Variants in SRBD1 observed in about 807,000 individuals in gnomAD.
The protein encoded by SRBD1 is S1 RNA-binding domain-containing protein 1.
In SRBD1, 88 loss-of-function variants were observed where a neutral mutation model predicts 115.3. The ratio of observed to expected loss-of-function variants is 0.76; its 90% CI spans 0.64 to 0.91. The LOEUF (loss-of-function observed/expected upper bound fraction) is 0.91, where lower values mean the gene tolerates loss of function less well. SRBD1 is among the 40% of genes least tolerant of loss of function. The probability of loss-of-function intolerance (pLI) is 0.00; values close to 1 mark genes in which losing one functional copy is unlikely to be tolerated. For missense variants in SRBD1, 1,385 were observed against 1,177.4 expected (o/e 1.18, Z -2.58); for synonymous variants, 509 against 407.7 (o/e 1.25, Z -2.99).
At chr2:45,501,861 G>A (rs974638891) in intron 14 of SRBD1, among the ~76,000 whole-genome samples, 1 of 152,180 alleles carries the variant, frequency 6.6e-6, no homozygotes, top group African/African-American at 2.4e-5. Flanking sequence ...CCACCTCTGG[G>A]GGCAGGGCAC....
chr2:45,464,354 C>T (rs1669415444), intron 16 of SRBD1, among the ~76,000 whole-genome samples: 1 of 152,170 alleles, frequency 6.6e-6, no homozygotes, highest in Non-Finnish European at 1.5e-5. Context: ...TAGCTCTCTC[C>T]TATCCTATTA....
intron 2 of SRBD1, among the ~76,000 whole-genome samples, chr2:45,602,657 A>C (rs945539848): frequency 8.5e-5 from 13 of 152,204 alleles, no homozygotes; most frequent in African/African-American, 3.1e-4. Flanking sequence ...AGGTGCGACT[A>C]TAGTACTTTT....
At chr2:45,415,337 T>C (rs868199010) in intron 18 of SRBD1, among the ~76,000 whole-genome samples, 2 of 50,280 alleles carry the variant, frequency 4.0e-5, no homozygotes, top group African/African-American at 2.1e-4. Flanking sequence ...ATAGTATGTA[T>C]ATACACACAT....
chr2:45,608,577 T>C (rs1159320591), intron 1 of SRBD1, among the ~76,000 whole-genome samples: 1 of 152,194 alleles, frequency 6.6e-6, no homozygotes. Context: ...CGGTTTTACA[T>C]ACCGATGTCA....
rs183302912 is a variant in SRBD1, at chr2:45,459,722, G to A, written c.2049+17271C>T. On this transcript the variant is annotated intron_variant, in intron 16 of 20. Coordinates refer to ENST00000263736, the MANE Select transcript of SRBD1 (RefSeq NM_018079.5). ...TTAACACTCCTTCAGAAAACATATC[G>A]GTATCCTTATCTTATTTTCCAAGAA... Among the ~76,000 whole-genome samples the A allele has an allele frequency of 3.4e-4, 51 of 151,994 alleles. 1 individual carries two copies. The East Asian group carries it at 6.2e-3, about 18-fold the overall frequency.
At chr2:45,580,483 C>CT (rs1041305171) in intron 6 of SRBD1, among the ~76,000 whole-genome samples, 1 of 147,838 alleles carries the variant, frequency 6.8e-6, no homozygotes, top group Non-Finnish European at 1.5e-5. Context: ...GTAGCTGGGA[C>CT]TACAGGAGCG....
intron 16 of SRBD1, among the ~76,000 whole-genome samples, chr2:45,453,596 A>AAAC (rs1669062488): frequency 6.6e-6 from 1 of 151,906 alleles, no homozygotes; most frequent in African/African-American, 2.4e-5. Context: ...AGTTCCTATA[A>AAAC]ATTTGGTAAA....
intron 14 of SRBD1, among the ~76,000 whole-genome samples, chr2:45,540,475 T>C (rs1027331205): frequency 3.9e-5 from 6 of 152,050 alleles, no homozygotes; most frequent in African/African-American, 1.4e-4. Context: ...TTGCCAAAAT[T>C]TCCAGAATAG....
At chr2:45,602,335 C>A (rs1225975547) in intron 2 of SRBD1, among the ~76,000 whole-genome samples, 1 of 152,132 alleles carries the variant, frequency 6.6e-6, no homozygotes, top group African/African-American at 2.4e-5. Flanking sequence ...ACCTAACTGA[C>A]AAACACATAC....
At chr2:45,519,466 T>G (rs1238947360) in intron 14 of SRBD1, among the ~76,000 whole-genome samples, 1 of 152,216 alleles carries the variant, frequency 6.6e-6, no homozygotes, top group African/African-American at 2.4e-5. Flanking sequence ...GCTGGCCACT[T>G]AAGTAGTTTA....
chr2:45,589,485 G>C (rs1012928674), intron 4 of SRBD1, among the ~76,000 whole-genome samples: 1 of 152,176 alleles, frequency 6.6e-6, no homozygotes, highest in African/African-American at 2.4e-5. Flanking sequence ...AGGTGGAAAC[G>C]ACAGGAATGC....
intron 14 of SRBD1, among the ~76,000 whole-genome samples, chr2:45,500,326 C>T (rs1191589712): frequency 2.0e-5 from 3 of 150,074 alleles, no homozygotes; most frequent in African/African-American, 7.4e-5. Context: ...TAAATTTATT[C>T]TGTGTGTATG....
intron 2 of SRBD1, among the ~76,000 whole-genome samples, chr2:45,602,333 G>C (rs1674121306): frequency 6.6e-6 from 1 of 152,066 alleles, no homozygotes; most frequent in African/African-American, 2.4e-5. Context: ...TCACCTAACT[G>C]ACAAACACAT....
intron 1 of SRBD1, among the ~76,000 whole-genome samples, chr2:45,608,801 G>C (rs1172441992): frequency 1.3e-5 from 2 of 151,268 alleles, no homozygotes; most frequent in Non-Finnish European, 2.9e-5. Flanking sequence ...TATTTGCTAA[G>C]CCAGAACCTT....
chr2:45,425,920 G>A (rs897762313), intron 16 of SRBD1, among the ~76,000 whole-genome samples: 4 of 152,138 alleles, frequency 2.6e-5, no homozygotes, highest in Non-Finnish European at 5.9e-5. Flanking sequence ...AAACTGGGCG[G>A]CCATTTGGGC....
At chr2:45,546,482 G>A (rs1672122946) in intron 14 of SRBD1, 1 of 478,670 alleles carries the variant, frequency 2.1e-6, no homozygotes, top group African/African-American at 2.1e-5. Flanking sequence ...AAAATCCAAT[G>A]AAACTGAGCC....
chr2:45,389,710 T>C lies in SRBD1; in HGVS notation c.2699-111A>G, dbSNP rs3731944. ...TATGTGCCCAGACCAATATTAAAGA[T>C]TAAGGGGGGATTATAAAAGGAGCTG... On this transcript the variant is annotated intron_variant, in intron 20 of 20. Transcript: ENST00000263736. The C allele has an allele frequency of 0.11, 118,256 of 1,072,498 alleles. 7,046 individuals carry two copies. The highest frequency in any genetic ancestry group is 0.13 in the South Asian group (7,549 of 58,644). 66.4% of individuals were successfully genotyped at this position (1,072,498 alleles called of 1,614,324 possible). A position where few individuals can be genotyped will look rare whatever the true frequency, so the allele number is the denominator to read the frequency against.
chr2:45,580,682 T>C (rs1294926835), intron 6 of SRBD1, among the ~76,000 whole-genome samples: 3 of 122,074 alleles, frequency 2.5e-5, no homozygotes, highest in Non-Finnish European at 5.2e-5. Context: ...ACTTCTTTTT[T>C]TTTTTTTTTT....
chr2:45,488,432 C>T lies in SRBD1; in HGVS notation c.1875-101G>A, dbSNP rs369843611. 6.1e-6 allele frequency: 5 copies of T among 825,664 alleles called. No homozygotes were observed. In the African/African-American group the frequency reaches 8.5e-5, roughly 14 times the overall value. The allele number at this position is 825,664 out of a possible 1,614,324, so 51.1% of individuals were successfully genotyped here. ...GGCATTACCAGAAAAAAAAAAATAACAGGGCAAACTGTTCTCTTCATATCT... is the reference window on the plus strand; with the variant it reads ...GGCATTACCAGAAAAAAAAAAATAATAGGGCAAACTGTTCTCTTCATATCT... On this transcript the variant is annotated intron_variant, in intron 14 of 20. Transcript: ENST00000263736.
Sources: allele counts gnomAD v4.1 joint callset (sites outside exome capture counted in the v4.1 genomes callset), GRCh38; gene constraint gnomAD v4.1.1; transcripts MANE v1.5; gene names NCBI Gene and HGNC (gene_info 2026-07-23, HGNC 2026-07-21).